The following ACADL variants were observed in gnomAD, a reference collection of about 807,000 sequenced individuals.
ACADL encodes the protein long-chain specific acyl-CoA dehydrogenase, mitochondrial.
ACADL carries 60 observed loss-of-function variants against 56.9 expected under a neutral mutation model. That is an observed-to-expected ratio of 1.05 (90% CI 0.86 to 1.31). The LOEUF is 1.31. Among genes scored for constraint, ACADL ranks in the 50% most tolerant of loss-of-function variants. The probability of loss-of-function intolerance (pLI) is 0.00; values close to 1 mark genes in which losing one functional copy is unlikely to be tolerated. For synonymous variants in ACADL, 158 were observed against 179.7 expected, an observed-to-expected ratio of 0.88 and a Z score of 0.97; for missense variants, 484 against 525.5, an observed-to-expected ratio of 0.92 and a Z score of 0.77.
In ACADL at chr2:210,218,106, C is replaced by A; in HGVS notation, c.234-4G>T. The A allele has an allele frequency of 6.2e-7, 1 of 1,612,222 alleles. No individual in the cohort carries two copies. The highest frequency in any genetic ancestry group is 8.5e-7 in the Non-Finnish European group (1 of 1,178,942). Reference sequence around the variant, plus strand: ...TACTTCTCCAGCTTTCTCCCATCTGCAAATAACAAATATTTTAAATTCAGA... The same window carrying A: ...TACTTCTCCAGCTTTCTCCCATCTGAAAATAACAAATATTTTAAATTCAGA... On this transcript the variant is annotated splice_polypyrimidine_tract_variant and splice_region_variant and intron_variant, in intron 2 of 10. Transcript: ENST00000233710.
At chr2:210,208,387 G>C (rs138517635) in intron 5 of ACADL, among the ~76,000 whole-genome samples, 1 of 152,184 alleles carries the variant, frequency 6.6e-6, no homozygotes, top group Non-Finnish European at 1.5e-5. Context: ...GCGACCTAAA[G>C]TGAGTTTAAA....
At chr2:210,218,285 CTTTTTTTT>C (rs35116912) in intron 2 of ACADL, among the ~76,000 whole-genome samples, 183 bp from the exon 3 acceptor site, 3 of 95,384 alleles carry the variant, frequency 3.1e-5, no homozygotes, top group Admixed American at 1.6e-4. Flanking sequence ...CTTTTTTCTG[CTTTTTTTT>C]TTTTTTTTTT....
rs779891905 is a variant in ACADL at position 210,195,208 on chromosome 2, T to A, written c.1112+3A>T. ...CGCACTCTAATTACTGTAGCATGCA[T>A]ACCAATATTTCGCCATGCAAGCAGT... On this transcript the variant is annotated splice_donor_region_variant and intron_variant, in intron 9 of 10. Coordinates refer to ENST00000233710, the MANE Select transcript of ACADL (RefSeq NM_001608.4). The A allele has an allele frequency of 3.1e-6, 5 of 1,613,870 alleles. No homozygotes were observed. Among genetic ancestry groups the A allele is most frequent in the Non-Finnish European group, 4.2e-6 (5 of 1,179,846 alleles).
chr2:210,192,041 T>C (rs1478722742), intron 10 of ACADL, among the ~76,000 whole-genome samples: 1 of 152,262 alleles, frequency 6.6e-6, no homozygotes, highest in Non-Finnish European at 1.5e-5. Flanking sequence ...TTCTTTCAAT[T>C]TGAAGGAAAT....
intron 3 of ACADL, chr2:210,217,726 C>T: frequency 2.1e-6 from 1 of 482,218 alleles, no homozygotes; most frequent in Non-Finnish European, 3.6e-6. Context: ...GAAAAAAAAA[C>T]TATCTCTTTA....
Position 210,225,266 on chromosome 2 carries a change from C to A in ACADL, c.-3G>T. 1 of 1,555,706 alleles carries A rather than the reference C, an allele frequency of 6.4e-7. No homozygotes were observed. Among genetic ancestry groups the A allele is most frequent in the Non-Finnish European group, 8.6e-7 (1 of 1,156,732 alleles). On this transcript the variant is annotated 5_prime_UTR_variant, in exon 1 of 11. Coordinates refer to ENST00000233710, the MANE Select transcript of ACADL (RefSeq NM_001608.4). ...CCTCGGAGAAGGCGTGCGGCCATGTCCGAAACACAGGGGCGGCGGGGCGAC... is the reference window on the plus strand; with the variant it reads ...CCTCGGAGAAGGCGTGCGGCCATGTACGAAACACAGGGGCGGCGGGGCGAC...
chr2:210,225,089 C>A (rs1271594835), intron 1 of ACADL, 98 bp downstream of exon 1: 9 of 1,515,332 alleles, frequency 5.9e-6, no homozygotes, highest in South Asian at 1.2e-5. Flanking sequence ...CCCAGCCGCG[C>A]GCGCACCGCC....
rs74744721 is a variant in ACADL, at chr2:210,224,056, G to C, written c.77+1131C>G. ...GCCTGGTCAATATGGTGAAACCCCC[G>C]TCTCTACTAAAAAGATCAGCCGGGT... On this transcript the variant is annotated intron_variant, in intron 1 of 10. Transcript: ENST00000233710. Among the ~76,000 whole-genome samples, 1,250 of 151,716 alleles carry C rather than the reference G, an allele frequency of 8.2e-3. 22 individuals carry two copies. Among genetic ancestry groups the C allele is most frequent in the African/African-American group, 0.028 (1,175 of 41,354 alleles).
intron 8 of ACADL, among the ~76,000 whole-genome samples, chr2:210,201,341 T>C (rs1187200601): frequency 6.6e-6 from 1 of 152,186 alleles, no homozygotes; most frequent in East Asian, 1.9e-4. Flanking sequence ...CCCAGTTTTT[T>C]CTACAACATA....
Position 210,188,653 on chromosome 2 carries a change from G to T in ACADL, c.*308C>A, listed in dbSNP as rs1161944983. On this transcript the variant is annotated 3_prime_UTR_variant, in exon 11 of 11. Transcript: ENST00000233710. ...AAAATTATTTCTGCCTTGGTTTGAAGATTTGAATGATTTATGCTTTTTAGA... is the reference window on the plus strand; with the variant it reads ...AAAATTATTTCTGCCTTGGTTTGAATATTTGAATGATTTATGCTTTTTAGA... 2 of 255,332 alleles carry T rather than the reference G, an allele frequency of 7.8e-6. No individual in the cohort carries two copies. The highest frequency in any genetic ancestry group is 1.5e-5 in the Non-Finnish European group (2 of 131,286). The allele number at this position is 255,332 out of a possible 1,614,324, so 15.8% of individuals were successfully genotyped here. A position where few individuals can be genotyped will look rare whatever the true frequency, so the allele number is the denominator to read the frequency against.
At chr2:210,204,743 GAA>G in intron 6 of ACADL, 61 bp from the exon 7 acceptor site, 1 of 1,276,242 alleles carries the variant, frequency 7.8e-7, no homozygotes, top group Admixed American at 1.7e-5. Context: ...ATAACCCAGT[GAA>G]TATTGAAGTG....
intron 4 of ACADL, among the ~76,000 whole-genome samples, chr2:210,211,452 T>G (rs1239837545): frequency 6.6e-6 from 1 of 152,222 alleles, no homozygotes. Context: ...AATCTCATGT[T>G]CAATTATGAT....
At chr2:210,198,171 T>C (rs1688739602) in intron 8 of ACADL, among the ~76,000 whole-genome samples, 1 of 152,168 alleles carries the variant, frequency 6.6e-6, no homozygotes, top group Non-Finnish European at 1.5e-5. Context: ...CTGAAGTTAC[T>C]AAGTGGGCTG....
chr2:210,216,285 G>A (rs1261705850), intron 4 of ACADL, 62 bp downstream of exon 4: 1 of 1,570,878 alleles, frequency 6.4e-7, no homozygotes, highest in East Asian at 2.2e-5. Flanking sequence ...TATTAACCAA[G>A]TACTAAGAAA....
chr2:210,195,189 C>G, intron 9 of ACADL, 22 bp downstream of exon 9: 2 of 1,613,686 alleles, frequency 1.2e-6, no homozygotes, highest in African/African-American at 1.3e-5. Context: ...ACACCGCACT[C>G]TAATTACTGT....
At chr2:210,189,972 G>A (rs1050280868) in intron 10 of ACADL, among the ~76,000 whole-genome samples, 2 of 152,016 alleles carry the variant, frequency 1.3e-5, no homozygotes, top group Admixed American at 6.6e-5. Flanking sequence ...ATTGGCCAAA[G>A]CACTTAGAGC....
chr2:210,205,746 G>A lies in ACADL; in HGVS notation c.654C>T (p.Val218=), dbSNP rs77160779. ...SLSDVVIVVA[V]TNHEAPSPAH... ...CAGGGGAGGGAGCTTCATGATTTGT[G>A]ACCGCAACTACAATCACAACATCAC... The change falls in exon 6 of 11, where the codon GTC becomes GTT. Residue 218 remains valine (V), a synonymous_variant. Transcript: ENST00000233710. 3,571 of 1,613,934 alleles carry A rather than the reference G, an allele frequency of 2.2e-3. 54 individuals are homozygous for A. The African/African-American group carries it at 0.035, about 16-fold the overall frequency.
intron 8 of ACADL, among the ~76,000 whole-genome samples, chr2:210,196,007 T>C (rs1267250066): frequency 2.0e-5 from 3 of 152,130 alleles, no homozygotes; most frequent in East Asian, 1.9e-4. Flanking sequence ...TTATCTTGAA[T>C]TGTAGCTCCC....
intron 2 of ACADL, chr2:210,218,369 A>G (rs2125717845): frequency 2.6e-6 from 1 of 385,500 alleles, no homozygotes; most frequent in Non-Finnish European, 4.8e-6. Context: ...CAGCCTCAAA[A>G]TCCTGGGTTC....
Sources: allele counts gnomAD v4.1 joint callset (sites outside exome capture counted in the v4.1 genomes callset), GRCh38; gene constraint gnomAD v4.1.1; transcripts MANE v1.5; gene names NCBI Gene and HGNC (gene_info 2026-07-23, HGNC 2026-07-21).